ATP2A3: variants seen among roughly 807,000 people sequenced by gnomAD.
ATP2A3 encodes the protein ATPase sarcoplasmic/endoplasmic reticulum Ca2+ transporting 3, also known as sarcoplasmic/endoplasmic reticulum calcium ATPase 3.
A neutral mutation model predicts 106.8 loss-of-function variants in ATP2A3; 61 were observed. That is an observed-to-expected ratio of 0.57 (90% CI 0.46 to 0.71). ATP2A3 has a LOEUF of 0.71. Ranked by LOEUF, ATP2A3 falls within the 30% of genes least tolerant of loss-of-function variation. The pLI is 0.00. For synonymous variants in ATP2A3, 611 were observed against 609.3 expected, an observed-to-expected ratio of 1.00 and a Z score of -0.04; for missense variants, 1,201 against 1,423.5, an observed-to-expected ratio of 0.84 and a Z score of 2.52.
In ATP2A3 at chr17:3,929,522, C is replaced by G; in HGVS notation, c.2745-77G>C. 1 of 1,249,856 alleles carries G rather than the reference C, an allele frequency of 8.0e-7. No individual in the cohort carries two copies. The highest frequency in any genetic ancestry group is 1.1e-6 in the Non-Finnish European group (1 of 881,352). The allele number at this position is 1,249,856 out of a possible 1,614,324, so 77.4% of individuals were successfully genotyped here. ...CAGGCACCCACCCCCATGGGAGGAG[C>G]CTCACCACTTCTCTAGCGGTGCATT... On this transcript the variant is annotated intron_variant, in intron 18 of 20. Coordinates refer to ENST00000397041, the MANE Select transcript of ATP2A3 (RefSeq NM_005173.4). The surrounding 1 kb of genome is among the most constrained non-coding windows in gnomAD (Gnocchi z 4.3).
Position 3,942,741 on chromosome 17 carries a change from C to A in ATP2A3, c.1420-10G>T. 6.2e-7 allele frequency: 1 copy of A among 1,612,134 alleles called. No individual in the cohort carries two copies. Among genetic ancestry groups the A allele is most frequent in the South Asian group, 1.1e-5 (1 of 91,052 alleles). ...TCAGCTGCTTGATGACCTGCGGGGT[C>A]CAGGCAGGTCAGGGCATGAAGGACA... On this transcript the variant is annotated splice_polypyrimidine_tract_variant and intron_variant, in intron 11 of 20. Coordinates refer to ENST00000397041, the MANE Select transcript of ATP2A3 (RefSeq NM_005173.4).
chr17:3,953,520 T>C lies in ATP2A3; in HGVS notation c.137-91A>G. 1.3e-6 allele frequency: 2 copies of C among 1,522,142 alleles called. No individual in the cohort carries two copies. The highest frequency in any genetic ancestry group is 1.7e-5 in the Admixed American group (1 of 57,534). 94.3% of individuals were successfully genotyped at this position (1,522,142 alleles called of 1,614,324 possible). ...TGGCCCGGGAGACCTCCCGGCCCATTCCCTCCCTGCACTCAGAAGAGGGAG... is the reference window on the plus strand; with the variant it reads ...TGGCCCGGGAGACCTCCCGGCCCATCCCCTCCCTGCACTCAGAAGAGGGAG... On this transcript the variant is annotated intron_variant, in intron 2 of 20. Coordinates refer to ENST00000397041, the MANE Select transcript of ATP2A3 (RefSeq NM_005173.4). The surrounding 1 kb of genome is among the most constrained non-coding windows in gnomAD (Gnocchi z 5.1).
chr17:3,928,592 C>G lies in ATP2A3; in HGVS notation c.2980+71G>C, dbSNP rs868105254. ...GAGGCTCTGCGCTCCACACCCACAG[C>G]GTCCACTGCAGCCCAGGAGCAGAGG... On this transcript the variant is annotated intron_variant, in intron 20 of 20. Coordinates refer to ENST00000397041, the MANE Select transcript of ATP2A3 (RefSeq NM_005173.4). This position sits in a 1 kb window ranked among gnomAD's most constrained non-coding sequence, Gnocchi z 6.1. The G allele has an allele frequency of 1.5e-6, 2 of 1,331,814 alleles. No homozygotes were observed. The highest frequency in any genetic ancestry group is 1.3e-5 in the South Asian group (1 of 79,344). The allele number at this position is 1,331,814 out of a possible 1,614,324, so 82.5% of individuals were successfully genotyped here.
chr17:3,959,098 A>G (rs1479065804), intron 1 of ATP2A3, among the ~76,000 whole-genome samples: 1 of 151,854 alleles, frequency 6.6e-6, no homozygotes, highest in Non-Finnish European at 1.5e-5. Context: ...AGGTTTCACC[A>G]TGTTGGCCAG....
chr17:3,929,292 A>AG lies in ATP2A3; in HGVS notation c.2862+35dup. 6.6e-7 allele frequency: 1 copy of AG among 1,513,272 alleles called. No individual in the cohort carries two copies. The highest frequency in any genetic ancestry group is 2.1e-4 in the Middle Eastern group (1 of 4,752). 93.7% of individuals were successfully genotyped at this position (1,513,272 alleles called of 1,614,324 possible). A position where few individuals can be genotyped will look rare whatever the true frequency, so the allele number is the denominator to read the frequency against. On this transcript the variant is annotated intron_variant, in intron 19 of 20. Coordinates refer to ENST00000397041, the MANE Select transcript of ATP2A3 (RefSeq NM_005173.4). This position sits in a 1 kb window ranked among gnomAD's most constrained non-coding sequence, Gnocchi z 4.3. The stretch of plus-strand genomic sequence containing the variant: ...GACCAGCCCAGGGCCTGTGATGTCC[A>AG]GGGACCAGGGCAGTGGGGCAGGCGG...
At chr17:3,942,007 C>G (rs2053811617) in intron 12 of ATP2A3, among the ~76,000 whole-genome samples, 1 of 152,152 alleles carries the variant, frequency 6.6e-6, no homozygotes, top group Non-Finnish European at 1.5e-5. Context: ...TACTCGGGTT[C>G]CAATTTGGTA....
chr17:3,933,775 C>A (rs898999371), intron 17 of ATP2A3, among the ~76,000 whole-genome samples: 1 of 151,428 alleles, frequency 6.6e-6, no homozygotes, highest in African/African-American at 2.5e-5. Context: ...CGGGCTGGAG[C>A]TTCTGCCTCA....
intron 1 of ATP2A3, among the ~76,000 whole-genome samples, chr17:3,954,208 C>T (rs1040492570): frequency 2.0e-5 from 3 of 152,166 alleles, no homozygotes; most frequent in Admixed American, 6.5e-5. Flanking sequence ...GCCTTCCGCT[C>T]ACCCTGCCTC....
Position 3,955,018 on chromosome 17 carries a change from G to A in ATP2A3, c.119-1308C>T, listed in dbSNP as rs1166612222. 6.6e-6 allele frequency among the ~76,000 whole-genome samples: 1 copy of A among 152,218 alleles called. No individual in the cohort carries two copies. Among genetic ancestry groups the A allele is most frequent in the Non-Finnish European group, 1.5e-5 (1 of 68,034 alleles). Reference sequence around the variant, plus strand: ...AGTGGGTCTGTGTGGGGATGAGAGGGGCGGGAGCCAGGCTCTGCAGGGTGG... The same window carrying A: ...AGTGGGTCTGTGTGGGGATGAGAGGAGCGGGAGCCAGGCTCTGCAGGGTGG... On this transcript the variant is annotated intron_variant, in intron 1 of 20. Coordinates refer to ENST00000397041, the MANE Select transcript of ATP2A3 (RefSeq NM_005173.4). This position sits in a 1 kb window ranked among gnomAD's most constrained non-coding sequence, Gnocchi z 4.2.
intron 15 of ATP2A3, chr17:3,937,177 C>A (rs2053496184): frequency 1.4e-5 from 8 of 568,226 alleles, no homozygotes; most frequent in Non-Finnish European, 2.5e-5. Context: ...TGACAGGCGA[C>A]TCTTCAGGCA....
intron 17 of ATP2A3, among the ~76,000 whole-genome samples, chr17:3,932,409 G>T (rs997334936): frequency 7.9e-5 from 12 of 152,038 alleles, no homozygotes; most frequent in African/African-American, 1.2e-4. Context: ...CTCCCAAAGT[G>T]CTGGGCTTAC....
rs980297410 is a variant in ATP2A3, at chr17:3,955,267, C to A, written c.119-1557G>T. Among the ~76,000 whole-genome samples, 2 of 152,194 alleles carry A rather than the reference C, an allele frequency of 1.3e-5. No homozygotes were observed. Among genetic ancestry groups the A allele is most frequent in the Non-Finnish European group, 2.9e-5 (2 of 68,034 alleles). Reference sequence around the variant, plus strand: ...GGTCCACCTGTTTTTGGCCTACAGGCATTTTTTTTTCCTACGGGAGCCCTC... The same window carrying A: ...GGTCCACCTGTTTTTGGCCTACAGGAATTTTTTTTTCCTACGGGAGCCCTC... On this transcript the variant is annotated intron_variant, in intron 1 of 20. Transcript: ENST00000397041. The surrounding 1 kb of genome is among the most constrained non-coding windows in gnomAD (Gnocchi z 4.2).
chr17:3,933,734 T>TCAAA (rs947741084), intron 17 of ATP2A3, among the ~76,000 whole-genome samples: 3 of 151,122 alleles, frequency 2.0e-5, no homozygotes, highest in East Asian at 2.0e-4. Context: ...AGACTCCATC[T>TCAAA]CAAACAAACA....
Position 3,947,274 on chromosome 17 carries a change from G to C in ATP2A3, c.1095+117C>G. On this transcript the variant is annotated intron_variant, in intron 8 of 20. Coordinates refer to ENST00000397041, the MANE Select transcript of ATP2A3 (RefSeq NM_005173.4). This position sits in a 1 kb window ranked among gnomAD's most constrained non-coding sequence, Gnocchi z 7.7. ...AACCTGGACCTGCTCTGGGCCAAGG[G>C]ACAGCCCACAGATTCTCTCCTCCAT... 2 of 1,282,580 alleles carry C rather than the reference G, an allele frequency of 1.6e-6. No individual in the cohort carries two copies. The highest frequency in any genetic ancestry group is 2.2e-6 in the Non-Finnish European group (2 of 904,892). 79.4% of individuals were successfully genotyped at this position (1,282,580 alleles called of 1,614,324 possible).
rs933918259 is a variant in ATP2A3 at position 3,947,535 on chromosome 17, T to C, written c.951A>G (p.Thr317=). ...IPEGLPAVIT[T]CLALGTRRMA... ...TGCGCCGCGTGCCCAGTGCCAGGCA[T>C]GTAGTGATGACAGCCGGGAGGCCCT... The change falls in exon 8 of 21, where the codon ACA becomes ACG. Residue 317 remains threonine, a synonymous_variant. Coordinates refer to ENST00000397041, the MANE Select transcript of ATP2A3 (RefSeq NM_005173.4). This position sits in a 1 kb window ranked among gnomAD's most constrained non-coding sequence, Gnocchi z 7.7. 3.1e-6 allele frequency: 5 copies of C among 1,613,124 alleles called. No individual in the cohort carries two copies. The African/African-American group carries it at 4.0e-5, about 13-fold the overall frequency.
At chr17:3,964,019 G>A (rs2144820758) in intron 1 of ATP2A3, among the ~76,000 whole-genome samples, 155 bp downstream of exon 1, 1 of 152,056 alleles carries the variant, frequency 6.6e-6, no homozygotes, top group Non-Finnish European at 1.5e-5. Flanking sequence ...GAAGGTGGCC[G>A]CGCAGCCCCG....
chr17:3,944,820 G>C lies in ATP2A3; in HGVS notation c.1185-14C>G. The C allele has an allele frequency of 6.2e-7, 1 of 1,601,540 alleles. No homozygotes were observed. Among genetic ancestry groups the C allele is most frequent in the Non-Finnish European group, 8.5e-7 (1 of 1,174,118 alleles). ...TCCCCCTGCCGCCTGCGGAGCCGGG[G>C]CGGTCACCAGGAGGACCTCGGCTCC... On this transcript the variant is annotated splice_polypyrimidine_tract_variant and intron_variant, in intron 9 of 20. Coordinates refer to ENST00000397041, the MANE Select transcript of ATP2A3 (RefSeq NM_005173.4).
intron 16 of ATP2A3, among the ~76,000 whole-genome samples, chr17:3,935,693 A>G (rs1412354640): frequency 6.6e-6 from 1 of 152,128 alleles, no homozygotes; most frequent in African/African-American, 2.4e-5. Context: ...ACCTGCCATC[A>G]TGCCCAGCTA....
chr17:3,953,805 G>A lies in ATP2A3; in HGVS notation c.119-95C>T, dbSNP rs562129553. The A allele has an allele frequency of 1.1e-4, 153 of 1,367,784 alleles. 1 individual carries two copies. Among genetic ancestry groups the A allele is most frequent in the South Asian group, 4.0e-4 (32 of 80,154 alleles). 84.7% of individuals were successfully genotyped at this position (1,367,784 alleles called of 1,614,324 possible). A position where few individuals can be genotyped will look rare whatever the true frequency, so the allele number is the denominator to read the frequency against. ...GGGAGTCTGGCAGTGCCTCCCCACC[G>A]TGCCCGCCCAGACCCCCACCACGGA... On this transcript the variant is annotated intron_variant, in intron 1 of 20. Coordinates refer to ENST00000397041, the MANE Select transcript of ATP2A3 (RefSeq NM_005173.4). This position sits in a 1 kb window ranked among gnomAD's most constrained non-coding sequence, Gnocchi z 5.1.
Sources: gnomAD v4.1 joint callset for allele counts (sites outside exome capture counted in the v4.1 genomes callset) on GRCh38, gnomAD v4.1.1 for gene constraint, Gnocchi (gnomAD v3.1) non-coding constraint, MANE v1.5 for transcripts, NCBI Gene and HGNC (gene_info 2026-07-23, HGNC 2026-07-21) for gene names.